HSPA12A: variants seen among roughly 807,000 people sequenced by gnomAD.
The protein encoded by HSPA12A is heat shock protein family A (Hsp70) member 12A, also known as heat shock 70 kDa protein 12A.
A neutral mutation model predicts 69.2 loss-of-function variants in HSPA12A; 28 were observed. The ratio of observed to expected loss-of-function variants is 0.40; its 90% CI spans 0.30 to 0.55. The LOEUF is 0.55. Among genes scored for constraint, HSPA12A ranks in the 20% least tolerant of loss-of-function variants. The probability of loss-of-function intolerance (pLI) is 0.38; values close to 1 mark genes in which losing one functional copy is unlikely to be tolerated. For synonymous variants in HSPA12A, 345 were observed against 370.5 expected (o/e 0.93, Z 0.79); for missense variants, 686 against 900.7 (o/e 0.76, Z 3.05).
chr10:116,798,632 A>C (rs9421241), intron 2 of HSPA12A, among the ~76,000 whole-genome samples: 3,678 of 152,120 alleles, frequency 0.024, 142 homozygotes, highest in African/African-American at 0.085. Flanking sequence ...GCCCTGACCC[A>C]CCTCTGCAAA....
At chr10:116,746,949 G>A (rs559959236), upstream of HSPA12A, among the ~76,000 whole-genome samples, 3 of 152,316 alleles carry the variant, frequency 2.0e-5, no homozygotes, top group South Asian at 6.2e-4. Flanking sequence ...TCCATGAACT[G>A]AATATCATAA....
At chr10:116,825,006 G>A (rs1023041651) in intron 2 of HSPA12A, among the ~76,000 whole-genome samples, 5 of 149,898 alleles carry the variant, frequency 3.3e-5, no homozygotes, top group Admixed American at 3.3e-4. Flanking sequence ...CGGGCAACAT[G>A]GCAAAACCCC....
At chr10:116,742,307 G>T in intron 1 of HSPA12A, 123 bp downstream of exon 1, 1 of 1,069,728 alleles carries the variant, frequency 9.3e-7, no homozygotes, top group Non-Finnish European at 1.2e-6. Context: ...GCCAGAACTG[G>T]ATGCAGCGCG....
rs782275184 is a variant in HSPA12A at position 116,700,947 on chromosome 10, G to A, written c.437C>T (p.Thr146Ile). ...LEKFKMKLHT[T>I]GDLTMDTDLT... ...CCAGGGGAGAGGCTTGCTCACCCCAGTGGTGTGCAGCTTCATCTTGAACTT... is the reference window on the plus strand; with the variant it reads ...CCAGGGGAGAGGCTTGCTCACCCCAATGGTGTGCAGCTTCATCTTGAACTT... Residue 146 changes from threonine to isoleucine, a missense_variant, in exon 4 of 12, where the codon ACT (threonine) becomes ATT (isoleucine). Thr to Ile is a moderately conservative substitution (Grantham distance 89). Transcript: ENST00000369209. The A allele has an allele frequency of 3.1e-6, 5 of 1,613,578 alleles. No homozygotes were observed. In the South Asian group the frequency reaches 3.3e-5, roughly 11 times the overall value.
chr10:116,728,127 G>C (rs782146650), intron 1 of HSPA12A, among the ~76,000 whole-genome samples: 2 of 151,930 alleles, frequency 1.3e-5, no homozygotes, highest in Admixed American at 6.6e-5. Context: ...ATTTTTAGTA[G>C]AGACAGGACT....
At chr10:116,841,684 G>T (rs961698376) in intron 1 of HSPA12A, among the ~76,000 whole-genome samples, 1 of 151,938 alleles carries the variant, frequency 6.6e-6, no homozygotes, top group African/African-American at 2.4e-5. Context: ...AGGTAAATTT[G>T]CCTAAAATGA....
intron 2 of HSPA12A, among the ~76,000 whole-genome samples, chr10:116,781,388 G>A (rs1245480540): frequency 1.3e-5 from 2 of 152,086 alleles, no homozygotes; most frequent in Non-Finnish European, 2.9e-5. Context: ...GATGAATGCC[G>A]CTCGGTCAGG....
intron 1 of HSPA12A, among the ~76,000 whole-genome samples, chr10:116,711,727 G>A (rs1850437318): frequency 6.8e-6 from 1 of 148,104 alleles, no homozygotes; most frequent in Non-Finnish European, 1.5e-5. Flanking sequence ...GCAGTGGTGC[G>A]ATCTCGGCTC....
At chr10:116,844,741 A>T (rs1845852410) in intron 1 of HSPA12A, among the ~76,000 whole-genome samples, 1 of 152,232 alleles carries the variant, frequency 6.6e-6, no homozygotes, top group Admixed American at 6.5e-5. Context: ...GTGGGAAAGA[A>T]GAATTAACAA....
At chr10:116,826,530 G>A (rs924413962) in intron 2 of HSPA12A, among the ~76,000 whole-genome samples, 1 of 152,206 alleles carries the variant, frequency 6.6e-6, no homozygotes, top group Non-Finnish European at 1.5e-5. Context: ...CATGGGAACT[G>A]ATGGACGACA....
At chr10:116,707,337 G>A (rs1554882623) in intron 1 of HSPA12A, 52 bp from the exon 2 acceptor site, 4 of 1,427,300 alleles carry the variant, frequency 2.8e-6, no homozygotes, top group Non-Finnish European at 3.9e-6. Context: ...ACTGACCCAG[G>A]GGGAAGAAAT....
chr10:116,704,528 TGCAGCACACCA>T (rs1850180392), intron 3 of HSPA12A, among the ~76,000 whole-genome samples: 1 of 151,972 alleles, frequency 6.6e-6, no homozygotes, highest in South Asian at 2.1e-4. Flanking sequence ...AGTTAATGGG[TGCAGCACACCA>T]ACATGGCACA....
intron 2 of HSPA12A, among the ~76,000 whole-genome samples, chr10:116,759,157 C>T (rs1843917507): frequency 6.6e-6 from 1 of 152,154 alleles, no homozygotes. Flanking sequence ...ATAAATCTGC[C>T]CTTCTATCCA....
intron 2 of HSPA12A, among the ~76,000 whole-genome samples, chr10:116,765,515 T>A (rs1844056479): frequency 6.6e-6 from 1 of 152,156 alleles, no homozygotes; most frequent in African/African-American, 2.4e-5. Context: ...ACTGAATTTT[T>A]AAAATAGACC....
chr10:116,726,054 C>CACACA (rs781871627), intron 1 of HSPA12A, among the ~76,000 whole-genome samples: 2 of 144,820 alleles, frequency 1.4e-5, no homozygotes, highest in South Asian at 2.1e-4. Flanking sequence ...CACACACACA[C>CACACA]AACAGGCCAA....
rs1215893147 is a variant in HSPA12A, at chr10:116,730,764, C to T, written c.40+11666G>A. 5.9e-5 allele frequency among the ~76,000 whole-genome samples: 9 copies of T among 152,348 alleles called. No homozygotes were observed. In the East Asian group the frequency reaches 1.4e-3, roughly 23 times the overall value. ...CCAGAGGCTGACGCCAAAGGATGGA[C>T]GCTCAAAAATATCTTGGAAAGCATC... is the stretch of plus-strand genomic sequence containing the variant. On this transcript the variant is annotated intron_variant, in intron 1 of 11. Transcript: ENST00000369209.
chr10:116,810,275 C>T (rs564749677), intron 2 of HSPA12A, among the ~76,000 whole-genome samples: 2 of 152,268 alleles, frequency 1.3e-5, no homozygotes, highest in Admixed American at 1.3e-4. Context: ...GCTGCAGCCA[C>T]CGTTTCATTT....
At chr10:116,782,882 G>A (rs1246594026) in intron 2 of HSPA12A, among the ~76,000 whole-genome samples, 3 of 152,146 alleles carry the variant, frequency 2.0e-5, no homozygotes, top group African/African-American at 7.2e-5. Flanking sequence ...CTGACTCCCA[G>A]GCCTGATGCC....
rs560844751 is a variant in HSPA12A at position 116,775,569 on chromosome 10, A to G, written c.91+59366T>C. 6.0e-4 allele frequency among the ~76,000 whole-genome samples: 91 copies of G among 152,124 alleles called. 1 individual carries two copies. The highest frequency in any genetic ancestry group is 2.1e-3 in the African/African-American group (87 of 41,506). ...GCCTCGTGATACTGACTTTCAGGGC[A>G]CCCGATGAGAGGGGATGGAAGAAGG... is the stretch of plus-strand genomic sequence containing the variant. On this transcript the variant is annotated intron_variant, in intron 2 of 12. Coordinates refer to the HSPA12A transcript ENST00000635765.
Sources: allele counts gnomAD v4.1 joint callset (sites outside exome capture counted in the v4.1 genomes callset), GRCh38; gene constraint gnomAD v4.1.1; transcripts MANE v1.5; gene names NCBI Gene and HGNC (gene_info 2026-07-23, HGNC 2026-07-21).